Variants in BCAS3 observed in about 807,000 individuals in gnomAD.
BCAS3 encodes BCAS4/BCAS3 fusion.
A neutral mutation model predicts 116.1 loss-of-function variants in BCAS3; 53 were observed. That is an observed-to-expected ratio of 0.46 (90% CI 0.37 to 0.57). BCAS3 has a LOEUF of 0.57. Ranked by LOEUF, BCAS3 falls within the 20% of genes least tolerant of loss-of-function variation. The probability of loss-of-function intolerance (pLI) is 0.00; values close to 1 mark genes in which losing one functional copy is unlikely to be tolerated. For missense variants in BCAS3, 917 were observed against 1,165.4 expected, an observed-to-expected ratio of 0.79 and a Z score of 3.10; for synonymous variants, 391 against 408.2, an observed-to-expected ratio of 0.96 and a Z score of 0.51.
At chr17:61,298,953 G>T (rs1464796864) in intron 22 of BCAS3, among the ~76,000 whole-genome samples, 1 of 151,820 alleles carries the variant, frequency 6.6e-6, no homozygotes, top group African/African-American at 2.4e-5. Flanking sequence ...CTCCTGAGTG[G>T]CTGGGATGAG....
intron 22 of BCAS3, among the ~76,000 whole-genome samples, chr17:61,207,217 A>T (rs8076456): frequency 6.6e-6 from 1 of 152,136 alleles, no homozygotes; most frequent in African/African-American, 2.4e-5. Flanking sequence ...TTATATTACT[A>T]TATCACCTGT....
At chr17:61,165,782 A>G (rs1185403039) in intron 22 of BCAS3, among the ~76,000 whole-genome samples, 2 of 152,226 alleles carry the variant, frequency 1.3e-5, no homozygotes, top group East Asian at 3.8e-4. Flanking sequence ...GTTATTCTCT[A>G]TTTTTAAAAA....
intron 14 of BCAS3, among the ~76,000 whole-genome samples, chr17:60,974,981 T>TG (rs1491269970): frequency 8.5e-5 from 12 of 140,624 alleles, no homozygotes; most frequent in African/African-American, 3.9e-4. Context: ...TTGTTTTTTT[T>TG]GTTTTTTTTG....
intron 5 of BCAS3, among the ~76,000 whole-genome samples, chr17:60,717,066 C>T (rs1024076303): frequency 3.9e-5 from 6 of 152,030 alleles, no homozygotes; most frequent in Admixed American, 6.6e-5. Context: ...CTTTTATATA[C>T]GATGGTCTGG....
chr17:60,699,407 A>G (rs2036086574), intron 4 of BCAS3, among the ~76,000 whole-genome samples: 1 of 151,932 alleles, frequency 6.6e-6, no homozygotes, highest in African/African-American at 2.4e-5. Flanking sequence ...TAATTTTTGT[A>G]TTTTAGTTTC....
intron 5 of BCAS3, among the ~76,000 whole-genome samples, chr17:60,732,380 A>G (rs746351306): frequency 3.2e-4 from 48 of 152,204 alleles, no homozygotes; most frequent in Non-Finnish European, 6.3e-4. Context: ...GCAAGTAAAA[A>G]CATATAAATA....
rs2076820550 is a variant in BCAS3, at chr17:61,139,657, G to C, written c.2425+55093G>C. On this transcript the variant is annotated intron_variant, in intron 22 of 23. Coordinates refer to ENST00000407086, the MANE Select transcript of BCAS3 (RefSeq NM_017679.5). This position sits in a 1 kb window ranked among gnomAD's most constrained non-coding sequence, Gnocchi z 4.7. Reference sequence around the variant, plus strand: ...GAACTCATACATGCAGTATAGTTCAGTGCGATTAAAAGTCATCATGCTACA... The same window carrying C: ...GAACTCATACATGCAGTATAGTTCACTGCGATTAAAAGTCATCATGCTACA... Among the ~76,000 whole-genome samples the C allele has an allele frequency of 6.6e-6, 1 of 152,168 alleles. No homozygotes were observed.
chr17:61,365,213 C>T lies in BCAS3; in HGVS notation c.2426-3114C>T, dbSNP rs938505212. Among the ~76,000 whole-genome samples, 2 of 152,230 alleles carry T rather than the reference C, an allele frequency of 1.3e-5. No homozygotes were observed. The highest frequency in any genetic ancestry group is 2.9e-5 in the Non-Finnish European group (2 of 68,034). ...TATGACACTAGCTCATGATTCTTTT[C>T]TCGTGCGTACTGTTACTTTATCCCT... is the stretch of plus-strand genomic sequence containing the variant. On this transcript the variant is annotated intron_variant, in intron 22 of 23. Transcript: ENST00000407086. This position sits in a 1 kb window ranked among gnomAD's most constrained non-coding sequence, Gnocchi z 4.6.
At chr17:60,727,787 A>G (rs1469302369) in intron 5 of BCAS3, among the ~76,000 whole-genome samples, 1 of 149,404 alleles carries the variant, frequency 6.7e-6, no homozygotes, top group African/African-American at 2.5e-5. Context: ...AGTAGGATTC[A>G]TTTTTGGTGG....
rs946499542 is a variant in BCAS3 at position 61,388,080 on chromosome 17, T to C, written c.2594-3897T>C. On this transcript the variant is annotated intron_variant, in intron 23 of 23. Coordinates refer to ENST00000407086, the MANE Select transcript of BCAS3 (RefSeq NM_017679.5). This position sits in a 1 kb window ranked among gnomAD's most constrained non-coding sequence, Gnocchi z 6.5. ...GCCACAGAGCCCCCAGCACTCTCTT[T>C]CGGGCCCTGGCAGGTTCCTGATGGA... is the stretch of plus-strand genomic sequence containing the variant. Among the ~76,000 whole-genome samples, 3 of 152,260 alleles carry C rather than the reference T, an allele frequency of 2.0e-5. No homozygotes were observed. In the East Asian group the frequency reaches 5.8e-4, roughly 29 times the overall value.
rs869090870 is a variant in BCAS3 at position 61,059,063 on chromosome 17, C to CTTTTTTTTT, written c.2030-15828_2030-15820dup. Among the ~76,000 whole-genome samples the CTTTTTTTTT allele has an allele frequency of 7.7e-3, 252 of 32,806 alleles. 44 individuals carry two copies. Among genetic ancestry groups the CTTTTTTTTT allele is most frequent in the Non-Finnish European group, 9.0e-3 (143 of 15,844 alleles). 21.5% of individuals were successfully genotyped at this position (32,806 alleles called of 152,430 possible). A position where few individuals can be genotyped will look rare whatever the true frequency, so the allele number is the denominator to read the frequency against. Reference sequence around the variant, plus strand: ...TCCCCGAACTCTTTTTTCTCCCCATCTTTTTTTTTTTTTTTTTTTTTTTTT... The same window carrying CTTTTTTTTT: ...TCCCCGAACTCTTTTTTCTCCCCATCTTTTTTTTTTTTTTTTTTTTTTTTTTTTTTTTTT... On this transcript the variant is annotated intron_variant, in intron 19 of 23. Coordinates refer to ENST00000407086, the MANE Select transcript of BCAS3 (RefSeq NM_017679.5).
chr17:61,371,558 CAGAG>C (rs1013565848), intron 23 of BCAS3, among the ~76,000 whole-genome samples: 1 of 152,144 alleles, frequency 6.6e-6, no homozygotes, highest in Non-Finnish European at 1.5e-5. Context: ...GAAAATCACT[CAGAG>C]AGCAGATTTG....
intron 4 of BCAS3, among the ~76,000 whole-genome samples, chr17:60,703,410 A>C (rs901357578): frequency 1.1e-4 from 16 of 151,488 alleles, no homozygotes; most frequent in African/African-American, 3.9e-4. Flanking sequence ...GCAACATGGC[A>C]AAACCCCGTC....
chr17:61,388,386 G>T lies in BCAS3; in HGVS notation c.2594-3591G>T. ...TCTCCCCCTCCCCCACTCTGAACGG[G>T]GTCTTGGCCCCCTCTGTCACAGCAG... On this transcript the variant is annotated intron_variant, in intron 23 of 23. Coordinates refer to ENST00000407086, the MANE Select transcript of BCAS3 (RefSeq NM_017679.5). This position sits in a 1 kb window ranked among gnomAD's most constrained non-coding sequence, Gnocchi z 6.5. The T allele has an allele frequency of 2.1e-6, 1 of 478,924 alleles. No individual in the cohort carries two copies. Among genetic ancestry groups the T allele is most frequent in the Non-Finnish European group, 3.8e-6 (1 of 266,402 alleles). 29.7% of individuals were successfully genotyped at this position (478,924 alleles called of 1,614,324 possible).
chr17:60,750,159 T>A (rs2042331482), intron 6 of BCAS3, among the ~76,000 whole-genome samples: 2 of 149,672 alleles, frequency 1.3e-5, no homozygotes, highest in Non-Finnish European at 3.0e-5. Flanking sequence ...AGTGTGAGAC[T>A]CCATCTCAAA....
In BCAS3 at chr17:61,337,210, G is replaced by A. The variant is rs773763788; in HGVS notation, c.2426-31117G>A. On this transcript the variant is annotated intron_variant, in intron 22 of 23. Transcript: ENST00000407086. The surrounding 1 kb of genome is among the most constrained non-coding windows in gnomAD (Gnocchi z 4.8). ...ATACTTTATTTAAATCGCCTCACCC[G>A]AGTGGAACAGGGACGTGAGCCATGT... 4.1e-4 allele frequency among the ~76,000 whole-genome samples: 63 copies of A among 152,088 alleles called. No homozygotes were observed. The highest frequency in any genetic ancestry group is 2.6e-4 in the Admixed American group (4 of 15,274).
intron 7 of BCAS3, among the ~76,000 whole-genome samples, chr17:60,853,148 A>T (rs1363106167): frequency 1.3e-5 from 2 of 152,242 alleles, no homozygotes; most frequent in Non-Finnish European, 2.9e-5. Context: ...AAAGACATGG[A>T]GGAATGAATG....
chr17:60,918,812 C>G (rs1455791226), intron 12 of BCAS3, among the ~76,000 whole-genome samples: 4 of 151,858 alleles, frequency 2.6e-5, no homozygotes, highest in African/African-American at 9.7e-5. Context: ...CCTGCCTCAG[C>G]CTCCTGAGTA....
chr17:61,097,130 A>G lies in BCAS3; in HGVS notation c.2425+12566A>G, dbSNP rs936803702. Among the ~76,000 whole-genome samples, 15 of 152,166 alleles carry G rather than the reference A, an allele frequency of 9.9e-5. No homozygotes were observed. The highest frequency in any genetic ancestry group is 1.6e-4 in the Non-Finnish European group (11 of 68,004). Reference sequence around the variant, plus strand: ...ATTATAATCAAACTGTTCAGATCTAAACATAAGGAAGGAATTTTAAGAAGC... The same window carrying G: ...ATTATAATCAAACTGTTCAGATCTAGACATAAGGAAGGAATTTTAAGAAGC... On this transcript the variant is annotated intron_variant, in intron 22 of 23. Coordinates refer to ENST00000407086, the MANE Select transcript of BCAS3 (RefSeq NM_017679.5). The surrounding 1 kb of genome is among the most constrained non-coding windows in gnomAD (Gnocchi z 4.0).
Sources: gnomAD v4.1 joint callset for allele counts (sites outside exome capture counted in the v4.1 genomes callset) on GRCh38, gnomAD v4.1.1 for gene constraint, Gnocchi (gnomAD v3.1) non-coding constraint, MANE v1.5 for transcripts, NCBI Gene and HGNC (gene_info 2026-07-23, HGNC 2026-07-21) for gene names.